RAD51B: variants seen among roughly 807,000 people sequenced by gnomAD.
RAD51B encodes the protein RAD51 paralog B.
RAD51B carries 38 observed loss-of-function variants against 42.2 expected under a neutral mutation model. That is an observed-to-expected ratio of 0.90 (90% confidence interval 0.70 to 1.18). The LOEUF (loss-of-function observed/expected upper bound fraction) is 1.18, where lower values mean the gene tolerates loss of function less well. Ranked by LOEUF, RAD51B falls within the 50% of genes most tolerant of loss-of-function variation. The probability of loss-of-function intolerance (pLI) is 0.00; values close to 1 mark genes in which losing one functional copy is unlikely to be tolerated. For synonymous variants in RAD51B, 154 were observed against 145.2 expected, an observed-to-expected ratio of 1.06 and a Z score of -0.43; for missense variants, 373 against 400.7, an observed-to-expected ratio of 0.93 and a Z score of 0.59.
chr14:68,465,780 A>G (rs1221508781), intron 9 of RAD51B, among the ~76,000 whole-genome samples: 2 of 151,768 alleles, frequency 1.3e-5, no homozygotes, highest in African/African-American at 2.4e-5. Flanking sequence ...TCTCCACTAA[A>G]AATATAAAAA....
chr14:67,988,198 C>T (rs796082413), intron 7 of RAD51B, among the ~76,000 whole-genome samples: 26 of 152,262 alleles, frequency 1.7e-4, no homozygotes, highest in African/African-American at 6.0e-4. Context: ...CGGTCGTTCA[C>T]GCCTGTAATC....
rs998584198 is a variant in RAD51B, at chr14:68,631,037, C to T, written c.1037-19744C>T. ...TCTCACAGAGCTCATATAATTGAGG[C>T]AAAGATGGAAATCATTAGGCACGCT... On this transcript the variant is annotated intron_variant, in intron 10 of 11. Coordinates refer to the RAD51B transcript ENST00000488612. Among the ~76,000 whole-genome samples the T allele has an allele frequency of 2.0e-5, 3 of 151,970 alleles. No homozygotes were observed. In the South Asian group the frequency reaches 6.2e-4, roughly 32 times the overall value.
At chr14:68,008,997 T>C (rs929367861) in intron 7 of RAD51B, among the ~76,000 whole-genome samples, 2 of 152,134 alleles carry the variant, frequency 1.3e-5, no homozygotes, top group Non-Finnish European at 2.9e-5. Context: ...TAGAAACCTA[T>C]CACTTTTACC....
At chr14:68,245,649 GA>G (rs1206784278) in intron 7 of RAD51B, among the ~76,000 whole-genome samples, 1 of 152,220 alleles carries the variant, frequency 6.6e-6, no homozygotes, top group African/African-American at 2.4e-5. Flanking sequence ...TATGACTTTA[GA>G]CGCATATCCC....
At chr14:68,457,523 G>A (rs963396192) in intron 9 of RAD51B, among the ~76,000 whole-genome samples, 4 of 152,126 alleles carry the variant, frequency 2.6e-5, no homozygotes, top group Admixed American at 2.6e-4. Flanking sequence ...ATTTTTGACT[G>A]TATAAATTTG....
At chr14:68,049,124 T>C (rs979910125) in intron 7 of RAD51B, among the ~76,000 whole-genome samples, 6 of 151,200 alleles carry the variant, frequency 4.0e-5, no homozygotes, top group African/African-American at 9.7e-5. Context: ...AACCAAACAC[T>C]GCATGTTCTC....
chr14:68,136,342 A>G (rs10140166), intron 7 of RAD51B, among the ~76,000 whole-genome samples: 90,374 of 132,064 alleles, frequency 0.68, 34,188 homozygotes, highest in East Asian at 0.89. Context: ...TTGGGAGGCC[A>G]AGGCGGGCGG....
chr14:67,840,250 A>G (rs1393308125), intron 4 of RAD51B, among the ~76,000 whole-genome samples: 4 of 152,150 alleles, frequency 2.6e-5, no homozygotes, highest in Admixed American at 6.6e-5. Context: ...ATAGTCCCCA[A>G]TAAGTAGTTT....
At chr14:68,174,444 A>G (rs2078928244) in intron 7 of RAD51B, among the ~76,000 whole-genome samples, 1 of 152,190 alleles carries the variant, frequency 6.6e-6, no homozygotes, top group Non-Finnish European at 1.5e-5. Flanking sequence ...CATTTTGACT[A>G]AGACAAAGGC....
At chr14:68,526,328 A>C (rs1465870255) in intron 10 of RAD51B, among the ~76,000 whole-genome samples, 1 of 152,234 alleles carries the variant, frequency 6.6e-6, no homozygotes, top group Non-Finnish European at 1.5e-5. Context: ...TATATAGCCT[A>C]GGTGTGTAGT....
intron 8 of RAD51B, among the ~76,000 whole-genome samples, chr14:68,318,229 A>G (rs1194414355): frequency 6.6e-6 from 1 of 152,202 alleles, no homozygotes; most frequent in Non-Finnish European, 1.5e-5. Flanking sequence ...ATTTTTGTCC[A>G]GTTCAACCTG....
intron 7 of RAD51B, among the ~76,000 whole-genome samples, chr14:67,943,267 G>T (rs1272035033): frequency 1.3e-5 from 2 of 152,080 alleles, no homozygotes; most frequent in Non-Finnish European, 2.9e-5. Context: ...TACAGGGCTT[G>T]TACTAATACA....
chr14:68,448,435 G>A (rs184964608), intron 9 of RAD51B, among the ~76,000 whole-genome samples: 5 of 152,272 alleles, frequency 3.3e-5, no homozygotes, highest in Admixed American at 3.3e-4. Flanking sequence ...GGCTTTCTGG[G>A]TTAGCTCAAA....
At chr14:67,971,065 A>G (rs529864990) in intron 7 of RAD51B, among the ~76,000 whole-genome samples, 1 of 152,280 alleles carries the variant, frequency 6.6e-6, no homozygotes, top group South Asian at 2.1e-4. Flanking sequence ...CTAAGTATTT[A>G]TAAACACGTA....
chr14:67,863,120 A>T, intron 4 of RAD51B, among the ~76,000 whole-genome samples: 1 of 149,420 alleles, frequency 6.7e-6, no homozygotes, highest in East Asian at 2.0e-4. Context: ...TGTAAAGATT[A>T]TAAACCAGCA....
chr14:68,548,931 G>A (rs1888373964), intron 10 of RAD51B, among the ~76,000 whole-genome samples: 1 of 152,172 alleles, frequency 6.6e-6, no homozygotes, highest in Non-Finnish European at 1.5e-5. Flanking sequence ...CACTCACAGG[G>A]TTGTCAGCAA....
chr14:68,653,322 C>T lies in RAD51B; in HGVS notation c.*11+2466C>T, dbSNP rs76835859. 7.4e-3 allele frequency among the ~76,000 whole-genome samples: 1,124 copies of T among 152,238 alleles called. 48 individuals are homozygous for T. The highest frequency in any genetic ancestry group is 0.054 in the Admixed American group (822 of 15,290). ...GTACTATGAGCATGACTGGGAATAG[C>T]GCACTATGAGCATGGCACCCCAGCC... is the stretch of plus-strand genomic sequence containing the variant. On this transcript the variant is annotated intron_variant, in intron 11 of 11. Transcript: ENST00000488612.
exon 11 of RAD51B, chr14:68,611,332 A>G: frequency 1.5e-6 from 1 of 681,742 alleles, no homozygotes; most frequent in East Asian, 2.7e-5. Flanking sequence ...ACCTCCAGGG[A>G]AGTTGCTTCC....
intron 8 of RAD51B, among the ~76,000 whole-genome samples, chr14:68,348,841 G>A (rs1017667775): frequency 7.9e-5 from 12 of 152,232 alleles, no homozygotes; most frequent in Non-Finnish European, 1.5e-4. Context: ...AGAGCTTTCA[G>A]TGAGCCAAGA....
Sources: allele counts gnomAD v4.1 joint callset (sites outside exome capture counted in the v4.1 genomes callset), GRCh38; gene constraint gnomAD v4.1.1; transcripts MANE v1.5; gene names NCBI Gene and HGNC (gene_info 2026-07-23, HGNC 2026-07-21).